Variants in DHRSX observed in about 807,000 individuals in gnomAD.
DHRSX encodes the protein dehydrogenase/reductase X-linked.
Under a neutral mutation model 34.0 loss-of-function variants are expected in DHRSX, and 31 were observed. The ratio of observed to expected loss-of-function variants is 0.91; its 90% confidence interval spans 0.69 to 1.23. DHRSX has a LOEUF of 1.23. Ranked by LOEUF, DHRSX falls within the 50% of genes most tolerant of loss-of-function variation. The pLI is 0.00. For missense variants in DHRSX, 414 were observed against 428.1 expected, an observed-to-expected ratio of 0.97 and a Z score of 0.29; for synonymous variants, 201 against 183.8, an observed-to-expected ratio of 1.09 and a Z score of -0.76.
chrX:2,421,096 A>G (rs1175332200), intron 2 of DHRSX, among the ~76,000 whole-genome samples: 5 of 151,550 alleles, frequency 3.3e-5, no homozygotes, highest in African/African-American at 1.2e-4. Flanking sequence ...ATTTTAAAAG[A>G]CTCTGGGCAC....
At chrX:2,275,554 A>G (rs749408367) in intron 4 of DHRSX, among the ~76,000 whole-genome samples, 4 of 150,840 alleles carry the variant, frequency 2.7e-5, no homozygotes, top group African/African-American at 4.9e-5. Flanking sequence ...GGAAATCTCA[A>G]TGGAATCATC....
At chrX:2,429,290 T>C (rs2043887888) in intron 1 of DHRSX, among the ~76,000 whole-genome samples, 2 of 152,150 alleles carry the variant, frequency 1.3e-5, no homozygotes, top group Non-Finnish European at 2.9e-5. Flanking sequence ...TATGCATATA[T>C]ACTGTGTATG....
chrX:2,309,345 T>C (rs751489840), intron 3 of DHRSX, among the ~76,000 whole-genome samples: 1 of 152,190 alleles, frequency 6.6e-6, no homozygotes, highest in Non-Finnish European at 1.5e-5. Context: ...GAAAAAAGCA[T>C]AGCAGAAGAA....
intron 1 of DHRSX, among the ~76,000 whole-genome samples, chrX:2,439,396 G>T (rs1028375239): frequency 1.6e-4 from 25 of 152,048 alleles, no homozygotes; most frequent in Admixed American, 1.1e-3. Context: ...CATCAATAAA[G>T]ACCTTCAATC....
chrX:2,235,040 A>G (rs73626177), intron 6 of DHRSX, among the ~76,000 whole-genome samples: 4,151 of 152,248 alleles, frequency 0.027, 211 homozygotes, highest in African/African-American at 0.094. Flanking sequence ...CCCTAGAGTC[A>G]TCAGATTCAT....
intron 1 of DHRSX, among the ~76,000 whole-genome samples, chrX:2,481,955 T>C (rs1442134745): frequency 6.6e-6 from 1 of 151,846 alleles, no homozygotes; most frequent in Non-Finnish European, 1.5e-5. Context: ...ACATTGAAAT[T>C]TCCTATCTTT....
chrX:2,500,406 G>C (rs761568556), intron 1 of DHRSX: 2 of 170,674 alleles, frequency 1.2e-5, no homozygotes, highest in Admixed American at 1.2e-4. Flanking sequence ...GCAGGCGGCA[G>C]GCAGAGCCGC....
At chrX:2,309,408 G>GA (rs748435647) in intron 3 of DHRSX, among the ~76,000 whole-genome samples, 86 of 151,794 alleles carry the variant, frequency 5.7e-4, no homozygotes, top group African/African-American at 2.0e-3. Context: ...ATATACAGAA[G>GA]AAAAAAATCA....
chrX:2,242,191 G>C (rs2016156114), intron 6 of DHRSX, among the ~76,000 whole-genome samples: 1 of 152,020 alleles, frequency 6.6e-6, no homozygotes. Flanking sequence ...ATTGTATTTT[G>C]TGCGTTGATT....
At chrX:2,466,169 C>T (rs2044492625) in intron 1 of DHRSX, among the ~76,000 whole-genome samples, 2 of 152,076 alleles carry the variant, frequency 1.3e-5, no homozygotes, top group Non-Finnish European at 2.9e-5. Context: ...TTGGGCGTGG[C>T]GGCGCATGCC....
chrX:2,476,493 C>G, intron 1 of DHRSX, among the ~76,000 whole-genome samples: 1 of 151,942 alleles, frequency 6.6e-6, no homozygotes, highest in East Asian at 1.9e-4. Context: ...GTGCATCAGG[C>G]ACCCCAAAAA....
Position 2,350,884 on chromosome X carries a change from G to A in DHRSX, c.286+57861C>T, listed in dbSNP as rs766019956. ...AGAAAATGTGGTATGTAGACACTAT[G>A]GAATACTATGCAGCCATAAAAAAGG... On this transcript the variant is annotated intron_variant, in intron 3 of 6. Coordinates refer to ENST00000334651, the MANE Select transcript of DHRSX (RefSeq NM_145177.3). 4.6e-5 allele frequency among the ~76,000 whole-genome samples: 7 copies of A among 152,254 alleles called. No homozygotes were observed. The South Asian group carries it at 1.5e-3, about 32-fold the overall frequency.
At chrX:2,306,564 C>T (rs1412499292) in intron 3 of DHRSX, among the ~76,000 whole-genome samples, 1 of 151,414 alleles carries the variant, frequency 6.6e-6, no homozygotes, top group East Asian at 1.9e-4. Context: ...CAGGTTCAAG[C>T]GATTCAGCCT....
chrX:2,328,881 C>T (rs759689719), intron 3 of DHRSX, among the ~76,000 whole-genome samples: 12 of 152,042 alleles, frequency 7.9e-5, no homozygotes, highest in South Asian at 2.1e-4. Context: ...CCATAACCCC[C>T]GGAAGAGTGT....
At chrX:2,268,524 T>C (rs1348683842) in intron 4 of DHRSX, among the ~76,000 whole-genome samples, 1 of 152,244 alleles carries the variant, frequency 6.6e-6, no homozygotes, top group Non-Finnish European at 1.5e-5. Flanking sequence ...TTCAAAGATA[T>C]ATGCCTATAG....
At chrX:2,246,701 A>G (rs2016295014) in intron 5 of DHRSX, among the ~76,000 whole-genome samples, 1 of 113,868 alleles carries the variant, frequency 8.8e-6, no homozygotes. Flanking sequence ...AAGAAAAGAA[A>G]GAAAGAGAAA....
intron 1 of DHRSX, chrX:2,488,721 A>C (rs1279237891): frequency 3.7e-6 from 6 of 1,612,414 alleles, no homozygotes; most frequent in Non-Finnish European, 1.7e-6. Flanking sequence ...TCCAGGCCCC[A>C]CTCCCCCTCG....
intron 1 of DHRSX, chrX:2,490,345 C>T (rs1264011897): frequency 1.9e-6 from 3 of 1,613,326 alleles, no homozygotes; most frequent in African/African-American, 1.3e-5. Flanking sequence ...CGGCCGTCAG[C>T]TCCTGCTGCT....
intron 1 of DHRSX, among the ~76,000 whole-genome samples, chrX:2,497,318 G>A (rs1427604353): frequency 1.3e-5 from 2 of 152,110 alleles, no homozygotes; most frequent in African/African-American, 4.8e-5. Context: ...GCTTGAACCC[G>A]GGAGGCAGAG....
Sources: gnomAD v4.1 joint callset for allele counts (sites outside exome capture counted in the v4.1 genomes callset) on GRCh38, gnomAD v4.1.1 for gene constraint, MANE v1.5 for transcripts, NCBI Gene and HGNC (gene_info 2026-07-23, HGNC 2026-07-21) for gene names.